Variants in DLGAP1 observed in about 807,000 individuals in gnomAD.
The protein encoded by DLGAP1 is disks large-associated protein 1.
In DLGAP1, 11 loss-of-function variants were observed where a neutral mutation model predicts 90.8. That is an observed-to-expected ratio of 0.12 (90% CI 0.08 to 0.20). DLGAP1 has a LOEUF of 0.20. Ranked by LOEUF, DLGAP1 falls within the 10% of genes least tolerant of loss-of-function variation. The probability of loss-of-function intolerance (pLI) is 1.00; values close to 1 mark genes in which losing one functional copy is unlikely to be tolerated. For missense variants in DLGAP1, 1,050 were observed against 1,333.8 expected (o/e 0.79, Z 3.31); for synonymous variants, 558 against 540.7 (o/e 1.03, Z -0.44).
At chr18:4,233,592 G>T (rs2078343610) in intron 1 of DLGAP1, among the ~76,000 whole-genome samples, 1 of 152,044 alleles carries the variant, frequency 6.6e-6, no homozygotes, top group Non-Finnish European at 1.5e-5. Flanking sequence ...TAAAGTTACT[G>T]TTTCTCCTTT....
At chr18:4,423,307 C>T (rs928658475) in intron 1 of DLGAP1, among the ~76,000 whole-genome samples, 2 of 152,132 alleles carry the variant, frequency 1.3e-5, no homozygotes, top group Non-Finnish European at 1.5e-5. Flanking sequence ...GTGCAGTGCT[C>T]ACAGGCAGAA....
rs552033657 is a variant in DLGAP1, at chr18:4,271,305, C to G, written c.-266-120018G>C. On this transcript the variant is annotated intron_variant, in intron 1 of 12. Transcript: ENST00000315677. ...ATTGTTAATCATTAACCTCCAACCTCTAGTTGGAACATTTACAAATACTTT... is the reference window on the plus strand; with the variant it reads ...ATTGTTAATCATTAACCTCCAACCTGTAGTTGGAACATTTACAAATACTTT... Among the ~76,000 whole-genome samples, 3 of 152,268 alleles carry G rather than the reference C, an allele frequency of 2.0e-5. No homozygotes were observed. The South Asian group carries it at 6.2e-4, about 32-fold the overall frequency.
chr18:4,218,871 A>AC (rs879817463), intron 1 of DLGAP1, among the ~76,000 whole-genome samples: 4 of 151,490 alleles, frequency 2.6e-5, no homozygotes, highest in African/African-American at 9.7e-5. Flanking sequence ...TTATCCATTA[A>AC]CCCACTGATT....
intron 3 of DLGAP1, among the ~76,000 whole-genome samples, chr18:3,964,700 T>C (rs1860814618): frequency 6.6e-6 from 1 of 152,148 alleles, no homozygotes; most frequent in Non-Finnish European, 1.5e-5. Context: ...AACATAGCAA[T>C]GATACATGGT....
chr18:4,309,764 T>G (rs1465321622), intron 1 of DLGAP1, among the ~76,000 whole-genome samples: 1 of 152,170 alleles, frequency 6.6e-6, no homozygotes, highest in Non-Finnish European at 1.5e-5. Context: ...CTAGGACAAC[T>G]TATTTAGCAT....
At chr18:4,364,342 C>T (rs1405492487) in intron 1 of DLGAP1, among the ~76,000 whole-genome samples, 1 of 150,512 alleles carries the variant, frequency 6.6e-6, no homozygotes, top group East Asian at 2.0e-4. Context: ...ACCAGCATGG[C>T]ACATGTATAC....
chr18:4,040,677 G>C (rs1024059581), intron 2 of DLGAP1, among the ~76,000 whole-genome samples: 1 of 152,148 alleles, frequency 6.6e-6, no homozygotes, highest in Non-Finnish European at 1.5e-5. Context: ...TTGATAAGTG[G>C]TGCTCATGGC....
intron 7 of DLGAP1, among the ~76,000 whole-genome samples, chr18:3,674,285 TATA>T (rs144779434): frequency 0.18 from 19,430 of 105,090 alleles, 2,869 homozygotes; most frequent in African/African-American, 0.45. Context: ...ATCTTGTCTC[TATA>T]ATATTAAAAT....
intron 1 of DLGAP1, among the ~76,000 whole-genome samples, chr18:4,391,426 T>TA (rs2082337950): frequency 6.6e-6 from 1 of 152,168 alleles, no homozygotes; most frequent in Admixed American, 6.5e-5. Flanking sequence ...TAGTCCTATT[T>TA]ACCTATTTCA....
At chr18:3,852,040 A>G (rs1008540535) in intron 4 of DLGAP1, among the ~76,000 whole-genome samples, 4 of 152,194 alleles carry the variant, frequency 2.6e-5, no homozygotes, top group Non-Finnish European at 5.9e-5. Flanking sequence ...AGAAAAGGAC[A>G]TGTATCGAAT....
intron 7 of DLGAP1, among the ~76,000 whole-genome samples, chr18:3,664,645 A>G (rs1002635256): frequency 3.3e-5 from 5 of 152,068 alleles, no homozygotes; most frequent in Non-Finnish European, 5.9e-5. Flanking sequence ...AGATCCTCCC[A>G]CAAGAACTGT....
intron 2 of DLGAP1, among the ~76,000 whole-genome samples, chr18:4,109,942 A>C (rs1568402136): frequency 6.6e-6 from 1 of 151,882 alleles, no homozygotes; most frequent in Non-Finnish European, 1.5e-5. Context: ...TGAAATATAT[A>C]TATTCATATT....
intron 10 of DLGAP1, among the ~76,000 whole-genome samples, chr18:3,528,386 A>G (rs956948258): frequency 2.6e-5 from 4 of 152,240 alleles, no homozygotes; most frequent in Non-Finnish European, 5.9e-5. Context: ...TTGGTGAAAC[A>G]AAGGCCCTCT....
At chr18:4,025,425 C>G (rs1437274229) in intron 2 of DLGAP1, among the ~76,000 whole-genome samples, 1 of 151,864 alleles carries the variant, frequency 6.6e-6, no homozygotes, top group Non-Finnish European at 1.5e-5. Flanking sequence ...ATTCCAAAAC[C>G]CAAAAAAATC....
intron 3 of DLGAP1, among the ~76,000 whole-genome samples, chr18:3,963,299 C>T (rs1477324609): frequency 6.6e-6 from 1 of 152,058 alleles, no homozygotes; most frequent in African/African-American, 2.4e-5. Context: ...GGGTTCTACT[C>T]TGCTTCTCAT....
chr18:4,115,323 T>C (rs1213565618), intron 2 of DLGAP1, among the ~76,000 whole-genome samples: 1 of 145,248 alleles, frequency 6.9e-6, no homozygotes, highest in Non-Finnish European at 1.5e-5. Context: ...GTTATAATTT[T>C]ACATAATCTT....
At chr18:4,413,156 A>C (rs1423879471) in intron 1 of DLGAP1, among the ~76,000 whole-genome samples, 1 of 152,152 alleles carries the variant, frequency 6.6e-6, no homozygotes, top group Non-Finnish European at 1.5e-5. Flanking sequence ...CCATCTAGAC[A>C]AACAGAGATG....
At chr18:3,988,891 C>T (rs1415285077) in intron 3 of DLGAP1, among the ~76,000 whole-genome samples, 1 of 152,202 alleles carries the variant, frequency 6.6e-6, no homozygotes, top group Admixed American at 6.5e-5. Context: ...TGTGCTCAGA[C>T]ATTTCCTGAG....
At chr18:4,051,177 T>A (rs1245203794) in intron 2 of DLGAP1, among the ~76,000 whole-genome samples, 10 of 152,198 alleles carry the variant, frequency 6.6e-5, no homozygotes, top group Admixed American at 6.5e-4. Context: ...AATTCAAATG[T>A]GTATCACACT....
Sources: allele counts gnomAD v4.1 joint callset (sites outside exome capture counted in the v4.1 genomes callset), GRCh38; gene constraint gnomAD v4.1.1; transcripts MANE v1.5; gene names NCBI Gene and HGNC (gene_info 2026-07-23, HGNC 2026-07-21).